The following M1AP variants were observed in gnomAD, a reference collection of about 807,000 sequenced individuals.
The protein encoded by M1AP is meiosis 1 associated protein, also known as meiosis 1 arrest protein.
M1AP carries 39 observed loss-of-function variants against 51.2 expected under a neutral mutation model. The observed-to-expected ratio is 0.76, with a 90% CI of 0.59 to 1.00. The LOEUF is 1.00. Ranked by LOEUF, M1AP falls within the 50% of genes least tolerant of loss-of-function variation. The pLI, the probability that M1AP is intolerant of heterozygous loss-of-function variation, is 0.00. For missense variants in M1AP, 545 were observed against 641.2 expected, an observed-to-expected ratio of 0.85 and a Z score of 1.62; for synonymous variants, 251 against 249.2, an observed-to-expected ratio of 1.01 and a Z score of -0.07.
chr2:74,594,080 T>C (rs1680190701), intron 4 of M1AP, among the ~76,000 whole-genome samples: 2 of 152,196 alleles, frequency 1.3e-5, no homozygotes, highest in Non-Finnish European at 2.9e-5. Flanking sequence ...GCTTAAAGAT[T>C]GAGACTAAGA....
At chr2:74,587,095 T>C (rs1231246325) in intron 4 of M1AP, among the ~76,000 whole-genome samples, 1 of 152,152 alleles carries the variant, frequency 6.6e-6, no homozygotes, top group Non-Finnish European at 1.5e-5. Context: ...AGCGAGATGA[T>C]TATCTATAAA....
intron 1 of M1AP, 114 bp from the exon 2 acceptor site, chr2:74,640,441 T>C: frequency 1.2e-6 from 1 of 854,444 alleles, no homozygotes; most frequent in African/African-American, 1.7e-5. Flanking sequence ...GATTGGGTAC[T>C]AAAGCTTGTC....
At chr2:74,593,270 C>G (rs1241931442) in intron 4 of M1AP, among the ~76,000 whole-genome samples, 1 of 152,044 alleles carries the variant, frequency 6.6e-6, no homozygotes, top group Non-Finnish European at 1.5e-5. Flanking sequence ...AAAGAAAGAA[C>G]CAAATTGAAA....
chr2:74,625,143 T>C (rs1381086591), intron 2 of M1AP, among the ~76,000 whole-genome samples: 2 of 152,208 alleles, frequency 1.3e-5, no homozygotes, highest in African/African-American at 4.8e-5. Flanking sequence ...GTGACATCTC[T>C]GCATATTTGG....
intron 2 of M1AP, among the ~76,000 whole-genome samples, chr2:74,631,899 T>C (rs1304847413): frequency 6.6e-6 from 1 of 152,218 alleles, no homozygotes; most frequent in African/African-American, 2.4e-5. Flanking sequence ...ATTTCCCACA[T>C]GGTATCTTTC....
intron 7 of M1AP, 93 bp downstream of exon 7, chr2:74,575,345 G>A (rs965717186): frequency 1.3e-6 from 2 of 1,571,652 alleles, no homozygotes; most frequent in Non-Finnish European, 1.7e-6. Context: ...GGTTGAGGCA[G>A]ATTTAGGATT....
chr2:74,597,615 C>T (rs1680417994), intron 4 of M1AP, among the ~76,000 whole-genome samples: 1 of 152,190 alleles, frequency 6.6e-6, no homozygotes, highest in Admixed American at 6.5e-5. Context: ...ACATTGATCC[C>T]TGGCAAAGTC....
intron 2 of M1AP, among the ~76,000 whole-genome samples, chr2:74,628,153 G>A (rs1354305455): frequency 6.6e-6 from 1 of 152,098 alleles, no homozygotes; most frequent in African/African-American, 2.4e-5. Flanking sequence ...CTGCTGGAAA[G>A]GAAATAAAAA....
chr2:74,624,116 G>A (rs992763274), intron 2 of M1AP, among the ~76,000 whole-genome samples: 1 of 152,174 alleles, frequency 6.6e-6, no homozygotes, highest in Non-Finnish European at 1.5e-5. Context: ...TATCATTGTT[G>A]GAGGGATTGG....
At chr2:74,569,933 T>TGA (rs969506442) in intron 7 of M1AP, among the ~76,000 whole-genome samples, 1 of 151,294 alleles carries the variant, frequency 6.6e-6, no homozygotes, top group African/African-American at 2.4e-5. Flanking sequence ...TGTGTGTGTG[T>TGA]GAAAGGTTCT....
chr2:74,592,146 G>C (rs557666528), intron 4 of M1AP, among the ~76,000 whole-genome samples: 1 of 151,924 alleles, frequency 6.6e-6, no homozygotes. Flanking sequence ...CTGTATAATA[G>C]CTTTGCAACC....
chr2:74,583,110 T>C (rs1267960156), intron 4 of M1AP, among the ~76,000 whole-genome samples: 2 of 151,854 alleles, frequency 1.3e-5, no homozygotes, highest in Non-Finnish European at 2.9e-5. Context: ...CAAAACATTC[T>C]AGAATATAAA....
At chr2:74,620,619 A>C (rs1681950029) in intron 2 of M1AP, 1 of 202,486 alleles carries the variant, frequency 4.9e-6, no homozygotes, top group Admixed American at 4.6e-5. Flanking sequence ...GGCCAGAGTT[A>C]GTGCAGTTTG....
chr2:74,561,109 GAGAAGGAGGAGGAGGAGA>G (rs1677917203), intron 8 of M1AP, among the ~76,000 whole-genome samples: 2 of 115,850 alleles, frequency 1.7e-5, no homozygotes, highest in African/African-American at 3.5e-5. Flanking sequence ...GGAGGAGGAG[GAGAAGGAGGAGGAGGAGA>G]AGGAGGAGGA....
chr2:74,586,873 A>G (rs567132127), intron 4 of M1AP, among the ~76,000 whole-genome samples: 1 of 152,000 alleles, frequency 6.6e-6, no homozygotes, highest in Non-Finnish European at 1.5e-5. Flanking sequence ...GTGGTGGTGC[A>G]TGCCTGTAAT....
intron 8 of M1AP, among the ~76,000 whole-genome samples, 156 bp from the exon 9 acceptor site, chr2:74,560,447 T>C (rs1677843271): frequency 6.6e-6 from 1 of 152,190 alleles, no homozygotes; most frequent in Non-Finnish European, 1.5e-5. Flanking sequence ...CTGGGTGTTC[T>C]GGCCTGAGGT....
chr2:74,587,273 A>C (rs1159900204), intron 4 of M1AP, among the ~76,000 whole-genome samples: 1 of 149,714 alleles, frequency 6.7e-6, no homozygotes, highest in Non-Finnish European at 1.5e-5. Flanking sequence ...ATCTCGGCTC[A>C]CTGCAAGCTC....
chr2:74,626,047 T>C (rs1294686052), intron 2 of M1AP, among the ~76,000 whole-genome samples: 1 of 152,208 alleles, frequency 6.6e-6, no homozygotes, highest in Admixed American at 6.5e-5. Context: ...AGACCAACTT[T>C]AGCCTTGACA....
intron 1 of M1AP, among the ~76,000 whole-genome samples, chr2:74,646,178 C>G (rs6718184): frequency 0.18 from 27,371 of 152,154 alleles, 3,776 homozygotes; most frequent in East Asian, 0.81. Context: ...AGTTAAAGCA[C>G]AGACAGAAGT....
Sources: gnomAD v4.1 joint callset for allele counts (sites outside exome capture counted in the v4.1 genomes callset) on GRCh38, gnomAD v4.1.1 for gene constraint, MANE v1.5 for transcripts, NCBI Gene and HGNC (gene_info 2026-07-23, HGNC 2026-07-21) for gene names.